Variants in TECTA observed in about 807,000 individuals in gnomAD.
The protein encoded by TECTA is alpha-tectorin.
A neutral mutation model predicts 216.8 loss-of-function variants in TECTA; 128 were observed. The observed-to-expected ratio is 0.59, with a 90% CI of 0.51 to 0.68. TECTA has a LOEUF of 0.68. TECTA is among the 30% of genes least tolerant of loss of function. The pLI, the probability that TECTA is intolerant of heterozygous loss-of-function variation, is 0.00. For synonymous variants in TECTA, 1,089 were observed against 1,117.1 expected, an observed-to-expected ratio of 0.97 and a Z score of 0.50; for missense variants, 2,551 against 2,786.2, an observed-to-expected ratio of 0.92 and a Z score of 1.90.
In TECTA at chr11:121,185,374, GC is replaced by G. The variant is rs1291614577; in HGVS notation, c.6000-2457del. Among the ~76,000 whole-genome samples the G allele has an allele frequency of 2.3e-3, 333 of 142,662 alleles. No individual in the cohort carries two copies. The Middle Eastern group carries it at 0.026, about 11-fold the overall frequency. The allele number at this position is 142,662 out of a possible 152,430, so 93.6% of individuals were successfully genotyped here. A position where few individuals can be genotyped will look rare whatever the true frequency, so the allele number is the denominator to read the frequency against. Reference sequence around the variant, plus strand: ...AATGCTTAATGAATGAGTAGGGAAAGCAGATGTTCAATGCTTAATGAATGAG... The same window carrying G: ...AATGCTTAATGAATGAGTAGGGAAAGAGATGTTCAATGCTTAATGAATGAG... On this transcript the variant is annotated intron_variant, in intron 20 of 23. Coordinates refer to ENST00000392793, the MANE Select transcript of TECTA (RefSeq NM_005422.4).
intron 20 of TECTA, among the ~76,000 whole-genome samples, chr11:121,172,048 T>C (rs1281990058): frequency 6.6e-6 from 1 of 152,198 alleles, no homozygotes; most frequent in Non-Finnish European, 1.5e-5. Context: ...ATATATGACC[T>C]TCATTATGTT....
intron 20 of TECTA, among the ~76,000 whole-genome samples, chr11:121,171,696 T>A (rs1453092940): frequency 6.6e-6 from 1 of 152,200 alleles, no homozygotes; most frequent in Non-Finnish European, 1.5e-5. Context: ...GATTGCCTTC[T>A]TGATTTATTT....
intron 20 of TECTA, among the ~76,000 whole-genome samples, chr11:121,175,889 T>C (rs1947160992): frequency 6.6e-6 from 1 of 152,226 alleles, no homozygotes; most frequent in Admixed American, 6.5e-5. Context: ...TGGGTGCATA[T>C]GTATTTAGGA....
At position 121,127,835 on chromosome 11, in the gene TECTA, T is replaced by C; in HGVS notation, c.1858T>C (p.Ser620Pro). 6.2e-7 allele frequency: 1 copy of C among 1,614,132 alleles called. No homozygotes were observed. Among genetic ancestry groups the C allele is most frequent in the South Asian group, 1.1e-5 (1 of 91,074 alleles). Residue 620 changes from serine (S) to proline (P), a missense_variant, in exon 9 of 24, where the codon TCG becomes CCG. By Grantham distance (74) the Ser-to-Pro change is moderately conservative. Around this residue, in one of 3 missense-constraint regions of TECTA, gnomAD observed 2,375 missense variants for 2,563.9 expected, o/e 0.93. Transcript: ENST00000392793. The surrounding 1 kb of genome is among the most constrained non-coding windows in gnomAD (Gnocchi z 5.0). Reference sequence around the variant, plus strand: ...CGACACATGCTCCGACCTGACGGCCTCGCGGAACTGCGCCACGCCGTGCAC... The same window carrying C: ...CGACACATGCTCCGACCTGACGGCCCCGCGGAACTGCGCCACGCCGTGCAC... ...CPDTCSDLTA[S>P]RNCATPCTEG...
In TECTA at chr11:121,137,794, C is replaced by T. The variant is rs142573400; in HGVS notation, c.3315C>T (p.Tyr1105=). 1.8e-5 allele frequency: 29 copies of T among 1,613,762 alleles called. No individual in the cohort carries two copies. Among genetic ancestry groups the T allele is most frequent in the African/African-American group, 1.3e-4 (10 of 74,920 alleles). Residue 1105 remains tyrosine (Y), a synonymous_variant, in exon 11 of 24, where the codon TAC becomes TAT. Transcript: ENST00000392793. ...ACGCCTCCTGCATCGTCTCAGGCTA[C>T]GGCCACTACCTCACCTTTGATGGCT... ...RTDASCIVSG[Y]GHYLTFDGFP...
Position 121,144,971 on chromosome 11 carries a change from T to C in TECTA, c.3544-584T>C, listed in dbSNP as rs1946819813. On this transcript the variant is annotated intron_variant, in intron 11 of 23. Transcript: ENST00000392793. ...GAGAAGTATAAATAACCTGCCCTGG[T>C]TACCCAGACAAGGGAGTAATTAATT... 2.0e-5 allele frequency among the ~76,000 whole-genome samples: 3 copies of C among 152,238 alleles called. No individual in the cohort carries two copies. In the South Asian group the frequency reaches 6.2e-4, roughly 32 times the overall value.
chr11:121,162,252 C>T lies in TECTA; in HGVS notation c.5154C>T (p.Tyr1718=). The T allele has an allele frequency of 6.2e-7, 1 of 1,614,138 alleles. No individual in the cohort carries two copies. Among genetic ancestry groups the T allele is most frequent in the Non-Finnish European group, 8.5e-7 (1 of 1,180,050 alleles). The part of the protein sequence containing the change: ...LDPLPFYESC[Y]LDGCYSHKKF... ...CCCTCCCATTCTACGAGTCCTGCTA[C>T]CTGGACGGCTGCTACAGCCACAAGA... is the stretch of plus-strand genomic sequence containing the variant. The change falls in exon 16 of 24, where the codon TAC becomes TAT. Residue 1718 remains tyrosine, a synonymous_variant. Transcript: ENST00000392793.
intron 1 of TECTA, among the ~76,000 whole-genome samples, chr11:121,101,855 A>G (rs1946349618): frequency 6.6e-6 from 1 of 152,228 alleles, no homozygotes; most frequent in South Asian, 2.1e-4. Context: ...GCAGCTTTGC[A>G]GAGTGACACA....
chr11:121,103,495 C>T (rs1199295384), intron 2 of TECTA, among the ~76,000 whole-genome samples: 4 of 151,996 alleles, frequency 2.6e-5, no homozygotes, highest in East Asian at 1.9e-4. Context: ...GCAGTTAAAC[C>T]ATAGTGTGAA....
In TECTA at chr11:121,191,304, C is replaced by T. The variant is rs1001360483; in HGVS notation, c.*498C>T. The stretch of plus-strand genomic sequence containing the variant: ...TTATGCACGTGTTCTGTCTATGAGG[C>T]GCTTCTCCACCCACTGTGTCCTTCA... On this transcript the variant is annotated 3_prime_UTR_variant, in exon 24 of 24. Coordinates refer to ENST00000392793, the MANE Select transcript of TECTA (RefSeq NM_005422.4). 7 of 186,954 alleles carry T rather than the reference C, an allele frequency of 3.7e-5. No homozygotes were observed. The highest frequency in any genetic ancestry group is 6.8e-5 in the Non-Finnish European group (6 of 88,732). The allele number at this position is 186,954 out of a possible 1,614,324, so 11.6% of individuals were successfully genotyped here.
chr11:121,142,248 C>T (rs567524413), intron 11 of TECTA, among the ~76,000 whole-genome samples: 3 of 152,348 alleles, frequency 2.0e-5, no homozygotes, highest in South Asian at 4.1e-4. Flanking sequence ...CTTTCCCCCA[C>T]TCCTCCCATA....
At position 121,137,405 on chromosome 11, in the gene TECTA, C is replaced by T. The variant is rs371301666; in HGVS notation, c.2942-16C>T. The T allele has an allele frequency of 3.1e-6, 5 of 1,613,652 alleles. No homozygotes were observed. In the African/African-American group the frequency reaches 6.7e-5, roughly 22 times the overall value. On this transcript the variant is annotated splice_polypyrimidine_tract_variant and intron_variant, in intron 10 of 23. Transcript: ENST00000392793. Reference sequence around the variant, plus strand: ...TGTCCTTTTCTCAAACCCGTCTTCTCCTTGACCACCTGCAGCACTGGAGTG... The same window carrying T: ...TGTCCTTTTCTCAAACCCGTCTTCTTCTTGACCACCTGCAGCACTGGAGTG...
At position 121,113,575 on chromosome 11, in the gene TECTA, T is replaced by C; in HGVS notation, c.647T>C (p.Leu216Pro). ...MAQAGFNGGNLTNFFSLPGSR... is the reference protein window; with the variant it reads ...MAQAGFNGGNPTNFFSLPGSR... ...CAGGCAGGATTTAATGGTGGAAACC[T>C]CACCAATTTCTTCAGCCTCCCGGGG... The change falls in exon 6 of 24, where the codon CTC becomes CCC. Residue 216 changes from leucine (L) to proline (P), a missense_variant. By Grantham distance (98) the Leu-to-Pro change is moderately conservative. Transcript: ENST00000392793. The surrounding 1 kb of genome is among the most constrained non-coding windows in gnomAD (Gnocchi z 4.2). The C allele has an allele frequency of 6.2e-7, 1 of 1,614,012 alleles. No individual in the cohort carries two copies. Among genetic ancestry groups the C allele is most frequent in the Non-Finnish European group, 8.5e-7 (1 of 1,180,008 alleles).
intron 20 of TECTA, among the ~76,000 whole-genome samples, chr11:121,172,467 C>G (rs187179117): frequency 0.046 from 6,940 of 152,128 alleles, 225 homozygotes; most frequent in East Asian, 0.12. Context: ...TGATAGTTTA[C>G]TGAGAATGAT....
chr11:121,186,217 C>T (rs2065286969), intron 20 of TECTA, among the ~76,000 whole-genome samples: 1 of 151,752 alleles, frequency 6.6e-6, no homozygotes, highest in South Asian at 2.1e-4. Flanking sequence ...CAAAATGGGT[C>T]CACTAAAGTA....
intron 20 of TECTA, among the ~76,000 whole-genome samples, chr11:121,180,210 T>G (rs1947212829): frequency 6.6e-6 from 1 of 152,192 alleles, no homozygotes; most frequent in South Asian, 2.1e-4. Flanking sequence ...GTGTATATGA[T>G]CTGCCATTGA....
Position 121,137,756 on chromosome 11 carries a change from C to A in TECTA, c.3277C>A (p.Gln1093Lys), listed in dbSNP as rs1200935734. The change falls in exon 11 of 24, where the codon CAA (glutamine) becomes AAA (lysine). Residue 1093 changes from glutamine (Q) to lysine (K), a missense_variant. Gln to Lys is a moderately conservative substitution (Grantham distance 53, BLOSUM62 1). Transcript: ENST00000392793. ...GGAGGAAGGTGGCCTGTACTACTGC[C>A]AAGCCCGCACCGACGCCTCCTGCAT... ...CMEEGGLYYC[Q>K]ARTDASCIVS... 1 of 1,614,142 alleles carries A rather than the reference C, an allele frequency of 6.2e-7. No homozygotes were observed.
At chr11:121,120,548 A>G (rs1946547547) in intron 7 of TECTA, among the ~76,000 whole-genome samples, 1 of 152,180 alleles carries the variant, frequency 6.6e-6, no homozygotes, top group African/African-American at 2.4e-5. Flanking sequence ...GTGCCAGACC[A>G]GAAATGGCCA....
chr11:121,152,861 A>C lies in TECTA; in HGVS notation c.4106-20A>C, dbSNP rs1200043300. The stretch of plus-strand genomic sequence containing the variant: ...GTGCCTTGTGATCGTGCGAGTCTTG[A>C]CTTGTCTCTCTTGTTCCAGCTGTCA... On this transcript the variant is annotated intron_variant, in intron 12 of 23. Transcript: ENST00000392793. 1 of 1,588,994 alleles carries C rather than the reference A, an allele frequency of 6.3e-7. No individual in the cohort carries two copies. Among genetic ancestry groups the C allele is most frequent in the Admixed American group, 1.7e-5 (1 of 59,446 alleles).
Sources: allele counts gnomAD v4.1 joint callset (sites outside exome capture counted in the v4.1 genomes callset), GRCh38; gene constraint gnomAD v4.1.1; regional missense constraint gnomAD v4.1.1; non-coding constraint Gnocchi (gnomAD v3.1); transcripts MANE v1.5; gene names NCBI Gene and HGNC (gene_info 2026-07-23, HGNC 2026-07-21).